The following CDH8 variants were observed in gnomAD, a reference collection of about 807,000 sequenced individuals.
CDH8 encodes cadherin-8.
A neutral mutation model predicts 68.1 loss-of-function variants in CDH8; 17 were observed. That is an observed-to-expected ratio of 0.25 (90% CI 0.17 to 0.37). The LOEUF is 0.37. Ranked by LOEUF, CDH8 falls within the 10% of genes least tolerant of loss-of-function variation. CDH8 has a pLI of 1.00. For missense variants in CDH8, 763 were observed against 999.3 expected (o/e 0.76, Z 3.19); for synonymous variants, 372 against 365.1 (o/e 1.02, Z -0.21).
intron 2 of CDH8, among the ~76,000 whole-genome samples, chr16:61,931,711 A>G (rs1964541925): frequency 6.6e-6 from 1 of 152,206 alleles, no homozygotes; most frequent in South Asian, 2.1e-4. Flanking sequence ...TAAAAGTAAC[A>G]TTAATTGTAA....
intron 10 of CDH8, among the ~76,000 whole-genome samples, chr16:61,707,731 T>C (rs1342288531): frequency 2.0e-5 from 3 of 152,140 alleles, no homozygotes; most frequent in African/African-American, 4.8e-5. Flanking sequence ...GTTGAAATAA[T>C]TGTCAACTAC....
At chr16:61,682,864 C>G (rs10500451) in intron 10 of CDH8, among the ~76,000 whole-genome samples, 23,948 of 151,746 alleles carry the variant, frequency 0.16, 2,052 homozygotes, top group African/African-American at 0.21. Context: ...ACATTCCCAA[C>G]CAATAACTAG....
chr16:61,652,832 T>G lies in CDH8; in HGVS notation c.*776A>C, dbSNP rs1963352011. The G allele has an allele frequency of 4.6e-6, 7 of 1,516,796 alleles. No individual in the cohort carries two copies. Among genetic ancestry groups the G allele is most frequent in the Non-Finnish European group, 6.2e-6 (7 of 1,137,480 alleles). The allele number at this position is 1,516,796 out of a possible 1,614,324, so 94.0% of individuals were successfully genotyped here. On this transcript the variant is annotated 3_prime_UTR_variant, in exon 12 of 12. Coordinates refer to ENST00000577390, the MANE Select transcript of CDH8 (RefSeq NM_001796.5). ...CATCTGTCTCTTATGTAGTCCACTG[T>G]GTGATACAGTTTATCTTTGTGTCCT... is the stretch of plus-strand genomic sequence containing the variant.
chr16:61,938,504 C>T (rs1964661912), intron 2 of CDH8, among the ~76,000 whole-genome samples: 1 of 152,132 alleles, frequency 6.6e-6, no homozygotes, highest in Admixed American at 6.5e-5. Context: ...GCCTTGTCCA[C>T]ATGTCTAAGA....
At chr16:61,701,262 G>A (rs1964423882) in intron 10 of CDH8, among the ~76,000 whole-genome samples, 1 of 152,032 alleles carries the variant, frequency 6.6e-6, no homozygotes, top group African/African-American at 2.4e-5. Flanking sequence ...GAGATATTCA[G>A]GGACATATAC....
intron 6 of CDH8, among the ~76,000 whole-genome samples, chr16:61,818,560 A>C (rs1962135545): frequency 6.6e-6 from 1 of 152,148 alleles, no homozygotes; most frequent in East Asian, 1.9e-4. Flanking sequence ...CTAATACTTC[A>C]TTCCCTAAAA....
At chr16:61,954,645 G>A (rs2143604031) in intron 2 of CDH8, among the ~76,000 whole-genome samples, 1 of 149,162 alleles carries the variant, frequency 6.7e-6, no homozygotes, top group South Asian at 2.1e-4. Context: ...AGCTTGCAGT[G>A]AGCCGAGATT....
chr16:61,915,681 A>C (rs915972628), intron 2 of CDH8, among the ~76,000 whole-genome samples: 2 of 152,214 alleles, frequency 1.3e-5, no homozygotes, highest in African/African-American at 4.8e-5. Flanking sequence ...AGTTAAATCT[A>C]AGGTAAGAGT....
intron 3 of CDH8, among the ~76,000 whole-genome samples, chr16:61,890,173 G>T (rs569277033): frequency 2.3e-4 from 35 of 152,296 alleles, no homozygotes; most frequent in Admixed American, 2.2e-3. Flanking sequence ...CAAGATGTGA[G>T]TGAGTAGAAA....
chr16:61,835,525 C>A (rs924326158), intron 4 of CDH8, among the ~76,000 whole-genome samples: 2 of 151,918 alleles, frequency 1.3e-5, no homozygotes, highest in South Asian at 4.1e-4. Context: ...CACAGGCCAC[C>A]ATTTCCAGTA....
At chr16:61,782,757 G>A (rs1196284581) in intron 8 of CDH8, among the ~76,000 whole-genome samples, 14 of 152,176 alleles carry the variant, frequency 9.2e-5, no homozygotes, top group Non-Finnish European at 1.9e-4. Flanking sequence ...CGGGCAGACT[G>A]CCTCCTCAAG....
intron 8 of CDH8, among the ~76,000 whole-genome samples, chr16:61,761,925 A>G (rs1004962878): frequency 6.6e-6 from 1 of 152,056 alleles, no homozygotes; most frequent in African/African-American, 2.4e-5. Flanking sequence ...ACTTGAACCT[A>G]CAGGTGTTGA....
At chr16:61,939,307 T>C (rs945279242) in intron 2 of CDH8, among the ~76,000 whole-genome samples, 2 of 152,202 alleles carry the variant, frequency 1.3e-5, no homozygotes, top group East Asian at 3.8e-4. Flanking sequence ...AAAAACTTCA[T>C]TGTTACCTAA....
At chr16:61,683,111 T>C (rs1462687002) in intron 10 of CDH8, among the ~76,000 whole-genome samples, 3 of 152,036 alleles carry the variant, frequency 2.0e-5, no homozygotes, top group Admixed American at 1.3e-4. Flanking sequence ...TTTCTACTTT[T>C]ATATTTTCAA....
intron 2 of CDH8, among the ~76,000 whole-genome samples, chr16:61,965,091 G>A (rs1965224128): frequency 6.6e-6 from 1 of 152,072 alleles, no homozygotes; most frequent in African/African-American, 2.4e-5. Context: ...CTCTGGCTTT[G>A]GGGGTTGAGG....
At chr16:61,716,050 G>C (rs981974737) in intron 9 of CDH8, among the ~76,000 whole-genome samples, 2 of 151,620 alleles carry the variant, frequency 1.3e-5, no homozygotes, top group African/African-American at 4.8e-5. Flanking sequence ...CTAGCCCCAG[G>C]TGCAACCATT....
chr16:61,995,791 A>G (rs1327608526), intron 2 of CDH8, among the ~76,000 whole-genome samples: 2 of 152,246 alleles, frequency 1.3e-5, no homozygotes, highest in Non-Finnish European at 2.9e-5. Context: ...TCATTACTGT[A>G]TAATTAAAAG....
At chr16:61,676,782 C>T (rs1963920442) in intron 10 of CDH8, among the ~76,000 whole-genome samples, 1 of 151,966 alleles carries the variant, frequency 6.6e-6, no homozygotes. Flanking sequence ...ACATTGTCAT[C>T]CTAAAAATAA....
At chr16:61,961,218 G>A (rs566157176) in intron 2 of CDH8, among the ~76,000 whole-genome samples, 1 of 152,166 alleles carries the variant, frequency 6.6e-6, no homozygotes, top group East Asian at 1.9e-4. Context: ...GGGAGGTTGA[G>A]GCGGAAGAAT....
Sources: gnomAD v4.1 joint callset for allele counts (sites outside exome capture counted in the v4.1 genomes callset) on GRCh38, gnomAD v4.1.1 for gene constraint, MANE v1.5 for transcripts, NCBI Gene and HGNC (gene_info 2026-07-23, HGNC 2026-07-21) for gene names.